RCSD1: variants seen among roughly 807,000 people sequenced by gnomAD.
RCSD1 encodes the protein RCSD domain containing 1.
Under a neutral mutation model 42.5 loss-of-function variants are expected in RCSD1, and 26 were observed. The observed-to-expected ratio is 0.61, with a 90% CI of 0.45 to 0.85. RCSD1 has a LOEUF of 0.85. Ranked by LOEUF, RCSD1 falls within the 40% of genes least tolerant of loss-of-function variation. The pLI is 0.00. For missense variants in RCSD1, 571 were observed against 528.3 expected, an observed-to-expected ratio of 1.08 and a Z score of -0.79; for synonymous variants, 220 against 212.2, an observed-to-expected ratio of 1.04 and a Z score of -0.32.
chr1:167,673,487 A>G (rs1289270020), intron 1 of RCSD1, among the ~76,000 whole-genome samples: 1 of 152,206 alleles, frequency 6.6e-6, no homozygotes, highest in East Asian at 1.9e-4. Context: ...GGCACCGAGG[A>G]AGCTCACAGT....
Position 167,630,330 on chromosome 1 carries a change from C to G in RCSD1, c.-94C>G, listed in dbSNP as rs1657662849. On this transcript the variant is annotated 5_prime_UTR_variant, in exon 1 of 7. Transcript: ENST00000367854. ...GCCCTGTGCCCGCCGCAGCCCGAAA[C>G]TGGCCACGGCCGGGAGCGGAGGGGA... 5 of 1,284,398 alleles carry G rather than the reference C, an allele frequency of 3.9e-6. No homozygotes were observed. Among genetic ancestry groups the G allele is most frequent in the African/African-American group, 3.1e-5 (2 of 65,104 alleles). The allele number at this position is 1,284,398 out of a possible 1,614,324, so 79.6% of individuals were successfully genotyped here.
intron 1 of RCSD1, among the ~76,000 whole-genome samples, chr1:167,651,220 A>C (rs540067722): frequency 6.6e-6 from 1 of 152,340 alleles, no homozygotes; most frequent in Admixed American, 6.5e-5. Flanking sequence ...TTCAGGAGAC[A>C]GTTCAGCCCA....
chr1:167,697,776 G>C lies in RCSD1; in HGVS notation c.1152G>C (p.Gln384His), dbSNP rs1329280083. The change falls in exon 6 of 7, where the codon CAG (glutamine) becomes CAC (histidine). Residue 384 changes from glutamine to histidine, a missense_variant. Transcript: ENST00000367854. The part of the protein sequence containing the change: ...GAVLEPGCSP[Q>H]TGPAQLETSS... ...TGCTCGAGCCAGGCTGCAGCCCCCA[G>C]ACCGGCCCTGCCCAGCTGGAGACCA... 22 of 1,502,506 alleles carry C rather than the reference G, an allele frequency of 1.5e-5. No homozygotes were observed. The highest frequency in any genetic ancestry group is 1.9e-5 in the Non-Finnish European group (21 of 1,127,856). 93.1% of individuals were successfully genotyped at this position (1,502,506 alleles called of 1,614,324 possible). A position where few individuals can be genotyped will look rare whatever the true frequency, so the allele number is the denominator to read the frequency against.
chr1:167,695,116 G>A (rs1659466508), intron 5 of RCSD1, among the ~76,000 whole-genome samples: 1 of 152,204 alleles, frequency 6.6e-6, no homozygotes, highest in East Asian at 1.9e-4. Flanking sequence ...AGGACTCAAG[G>A]AAATAAACTA....
chr1:167,672,215 G>A (rs1041346317), intron 1 of RCSD1, among the ~76,000 whole-genome samples: 2 of 152,152 alleles, frequency 1.3e-5, no homozygotes, highest in African/African-American at 4.8e-5. Flanking sequence ...TCTCTCCACT[G>A]GAATGTGAGC....
intron 6 of RCSD1, among the ~76,000 whole-genome samples, chr1:167,700,375 G>A (rs1039902816): frequency 3.9e-5 from 6 of 152,270 alleles, no homozygotes; most frequent in Admixed American, 6.5e-5. Flanking sequence ...AGTGCCAGGC[G>A]TGGTGGCTCA....
rs1658418156 is a variant in RCSD1 at position 167,655,968 on chromosome 1, AG to A, written c.6+25540del. ...CCCATTATGGGAAATCCTCTTACAA[AG>A]TGAAGAAACTATTAGTTAAACAACA... On this transcript the variant is annotated intron_variant, in intron 1 of 6. Coordinates refer to ENST00000367854, the MANE Select transcript of RCSD1 (RefSeq NM_052862.4). Among the ~76,000 whole-genome samples the A allele has an allele frequency of 1.3e-5, 2 of 152,242 alleles. 1 individual carries two copies. The highest frequency in any genetic ancestry group is 1.3e-4 in the Admixed American group (2 of 15,276).
At chr1:167,678,028 T>C (rs761622890) in intron 1 of RCSD1, among the ~76,000 whole-genome samples, 2 of 152,140 alleles carry the variant, frequency 1.3e-5, no homozygotes, top group African/African-American at 2.4e-5. Context: ...TTCAAGCCCA[T>C]CCCATCTGCA....
At chr1:167,659,554 C>T (rs112165099) in intron 1 of RCSD1, among the ~76,000 whole-genome samples, 2,448 of 152,256 alleles carry the variant, frequency 0.016, 75 homozygotes, top group African/African-American at 0.052. Flanking sequence ...AATTTGCCTT[C>T]AGAATGCCAT....
chr1:167,699,221 C>T (rs1029079085), intron 6 of RCSD1, among the ~76,000 whole-genome samples: 7 of 152,156 alleles, frequency 4.6e-5, no homozygotes, highest in Admixed American at 1.3e-4. Flanking sequence ...TAAAATTATT[C>T]GCCTCTTGTA....
At chr1:167,679,610 C>A (rs1229328597) in intron 1 of RCSD1, among the ~76,000 whole-genome samples, 3 of 152,234 alleles carry the variant, frequency 2.0e-5, no homozygotes, top group African/African-American at 7.2e-5. Context: ...AGGCTCTGGG[C>A]TCTGGCCTAT....
rs979627187 is a variant in RCSD1, at chr1:167,708,419, C to T, written c.*3723C>T. On this transcript the variant is annotated 3_prime_UTR_variant, in exon 7 of 7. Coordinates refer to ENST00000367854, the MANE Select transcript of RCSD1 (RefSeq NM_052862.4). ...AGTCAAGTTTTTGCTCGATGGACCA[C>T]GTGAAAAAAGGATAAACAATGTCTC... 1.3e-5 allele frequency among the ~76,000 whole-genome samples: 2 copies of T among 152,054 alleles called. No homozygotes were observed. The highest frequency in any genetic ancestry group is 2.4e-5 in the African/African-American group (1 of 41,402).
At chr1:167,679,428 G>A (rs1659027432) in intron 1 of RCSD1, among the ~76,000 whole-genome samples, 1 of 152,218 alleles carries the variant, frequency 6.6e-6, no homozygotes, top group Non-Finnish European at 1.5e-5. Context: ...GGGATACATT[G>A]AAGAACTAGG....
intron 1 of RCSD1, chr1:167,663,678 A>G (rs1658590431): frequency 2.0e-5 from 3 of 152,268 alleles, no homozygotes; most frequent in Admixed American, 1.3e-4. Flanking sequence ...CAAGATGGGA[A>G]TGAAAATGAC....
At chr1:167,669,331 GA>G (rs1357776252) in intron 1 of RCSD1, among the ~76,000 whole-genome samples, 2 of 152,204 alleles carry the variant, frequency 1.3e-5, no homozygotes, top group African/African-American at 4.8e-5. Flanking sequence ...CCATTACCTT[GA>G]TAATGTGAGC....
At position 167,706,607 on chromosome 1, in the gene RCSD1, C is replaced by G. The variant is rs187461975; in HGVS notation, c.*1911C>G. On this transcript the variant is annotated 3_prime_UTR_variant, in exon 7 of 7. Transcript: ENST00000367854. Reference sequence around the variant, plus strand: ...GGCAGTAAAAATGACAAGAATGTGACATTGCGGCACCATGCTTGTGGGCAT... The same window carrying G: ...GGCAGTAAAAATGACAAGAATGTGAGATTGCGGCACCATGCTTGTGGGCAT... Among the ~76,000 whole-genome samples the G allele has an allele frequency of 6.6e-6, 1 of 152,242 alleles. No individual in the cohort carries two copies. The highest frequency in any genetic ancestry group is 1.9e-4 in the East Asian group (1 of 5,186).
At chr1:167,694,797 C>T (rs905259988) in intron 5 of RCSD1, among the ~76,000 whole-genome samples, 19 of 152,288 alleles carry the variant, frequency 1.2e-4, no homozygotes, top group Admixed American at 5.9e-4. Flanking sequence ...AGTTAAAGAA[C>T]ATCCAAACTG....
At chr1:167,681,324 G>A (rs1475613602) in intron 1 of RCSD1, among the ~76,000 whole-genome samples, 2 of 152,194 alleles carry the variant, frequency 1.3e-5, no homozygotes, top group Admixed American at 1.3e-4. Context: ...TGTGCCTGGA[G>A]GGCAGACGGT....
intron 1 of RCSD1, among the ~76,000 whole-genome samples, chr1:167,663,321 C>G (rs952325454): frequency 3.3e-5 from 5 of 152,250 alleles, no homozygotes; most frequent in African/African-American, 1.2e-4. Flanking sequence ...AGCCCTCAAA[C>G]TGTGGCCACA....
Sources: allele counts gnomAD v4.1 joint callset (sites outside exome capture counted in the v4.1 genomes callset), GRCh38; gene constraint gnomAD v4.1.1; transcripts MANE v1.5; gene names NCBI Gene and HGNC (gene_info 2026-07-23, HGNC 2026-07-21).